Variants in ARL15 observed in about 807,000 individuals in gnomAD.
ARL15 encodes the protein ADP-ribosylation factor-like protein 15.
In ARL15, 19 loss-of-function variants were observed where a neutral mutation model predicts 25.2. The ratio of observed to expected loss-of-function variants is 0.75; its 90% CI spans 0.53 to 1.10. ARL15 has a LOEUF of 1.10. ARL15 is among the 50% of genes least tolerant of loss of function. The probability of loss-of-function intolerance (pLI) is 0.00; values close to 1 mark genes in which losing one functional copy is unlikely to be tolerated. For synonymous variants in ARL15, 94 were observed against 86.8 expected, an observed-to-expected ratio of 1.08 and a Z score of -0.46; for missense variants, 220 against 246.0, an observed-to-expected ratio of 0.89 and a Z score of 0.71.
chr5:54,251,464 C>A (rs1757234708), intron 1 of ARL15, among the ~76,000 whole-genome samples: 1 of 152,146 alleles, frequency 6.6e-6, no homozygotes, highest in Non-Finnish European at 1.5e-5. Context: ...TATGGTATTT[C>A]CACTGCAGCA....
intron 1 of ARL15, among the ~76,000 whole-genome samples, chr5:54,238,266 T>C (rs916116537): frequency 6.6e-6 from 1 of 152,192 alleles, no homozygotes; most frequent in African/African-American, 2.4e-5. Context: ...GGTTGACCCT[T>C]TGTGCCCTGG....
chr5:53,931,021 TTCA>T (rs1382574695), intron 4 of ARL15, among the ~76,000 whole-genome samples: 2 of 152,178 alleles, frequency 1.3e-5, no homozygotes, highest in African/African-American at 4.8e-5. Flanking sequence ...AATTAATGCC[TTCA>T]TCAATCATAA....
At chr5:54,268,496 TC>T (rs1413000638) in intron 1 of ARL15, among the ~76,000 whole-genome samples, 4 of 152,246 alleles carry the variant, frequency 2.6e-5, no homozygotes, top group Non-Finnish European at 5.9e-5. Context: ...CCAGCTTTGT[TC>T]CATTGCTGGT....
At chr5:54,116,100 C>A (rs939158895) in intron 3 of ARL15, among the ~76,000 whole-genome samples, 1 of 152,152 alleles carries the variant, frequency 6.6e-6, no homozygotes, top group African/African-American at 2.4e-5. Context: ...GTTGTCTAGT[C>A]CAAAGGCAAG....
chr5:54,171,894 G>A lies in ARL15; in HGVS notation c.83C>T (p.Pro28Leu), dbSNP rs1754730104. The change falls in exon 2 of 5, where the codon CCT becomes CTT. Residue 28 changes from proline to leucine, a missense_variant. By Grantham distance (98) the Pro-to-Leu change is moderately conservative (BLOSUM62 -3). Transcript: ENST00000504924. ...AACCAGGTCATATTCTGGTCGTGCA[G>A]GTGGTGGTCCCTTGCAGCAAAGTGC... ...FRALCCKGPP[P>L]ARPEYDLVCI... The A allele has an allele frequency of 6.2e-7, 1 of 1,613,388 alleles. No homozygotes were observed. The highest frequency in any genetic ancestry group is 1.7e-5 in the Admixed American group (1 of 59,970).
At chr5:54,151,881 A>G (rs1292927441) in intron 3 of ARL15, among the ~76,000 whole-genome samples, 3 of 151,992 alleles carry the variant, frequency 2.0e-5, no homozygotes, top group Non-Finnish European at 2.9e-5. Flanking sequence ...GAAAGAGTGA[A>G]GAAGAGCCTT....
At chr5:54,043,366 A>C (rs34951049) in intron 4 of ARL15, among the ~76,000 whole-genome samples, 3,567 of 152,290 alleles carry the variant, frequency 0.023, 93 homozygotes, top group East Asian at 0.13. Flanking sequence ...TAAGGCTCTG[A>C]GTGAATGGTA....
At chr5:54,245,016 T>C (rs1016419816) in intron 1 of ARL15, among the ~76,000 whole-genome samples, 1 of 152,164 alleles carries the variant, frequency 6.6e-6, no homozygotes, top group African/African-American at 2.4e-5. Flanking sequence ...CCAGAATCAA[T>C]TCAGCGGGAG....
intron 4 of ARL15, among the ~76,000 whole-genome samples, chr5:54,079,376 T>TAACAAGC (rs1561215659): frequency 6.6e-6 from 1 of 152,120 alleles, no homozygotes; most frequent in South Asian, 2.1e-4. Flanking sequence ...CAGAAACAAG[T>TAACAAGC]AACAAGCAAA....
At chr5:54,129,336 G>A (rs766929421) in intron 3 of ARL15, among the ~76,000 whole-genome samples, 10 of 151,834 alleles carry the variant, frequency 6.6e-5, no homozygotes, top group Non-Finnish European at 1.0e-4. Context: ...CAGAAACCTG[G>A]CATAGAAAAA....
chr5:54,032,163 G>C (rs1417046931), intron 4 of ARL15, among the ~76,000 whole-genome samples: 1 of 152,056 alleles, frequency 6.6e-6, no homozygotes, highest in Admixed American at 6.6e-5. Flanking sequence ...AAATTTAGAA[G>C]ACTCTTCTGG....
chr5:54,032,319 C>T (rs1204651697), intron 4 of ARL15, among the ~76,000 whole-genome samples: 3 of 151,848 alleles, frequency 2.0e-5, no homozygotes, highest in African/African-American at 4.8e-5. Context: ...TTGCAACCTC[C>T]GCCTCCTGGG....
At chr5:54,111,548 A>G (rs892208394) in intron 4 of ARL15, among the ~76,000 whole-genome samples, 4 of 152,124 alleles carry the variant, frequency 2.6e-5, no homozygotes, top group African/African-American at 9.6e-5. Context: ...TATGATGTCT[A>G]AGGAAAACAG....
intron 2 of ARL15, among the ~76,000 whole-genome samples, chr5:54,160,514 T>C (rs1267721150): frequency 3.3e-5 from 5 of 152,186 alleles, no homozygotes; most frequent in Non-Finnish European, 7.4e-5. Context: ...AACATTTATG[T>C]AATCTACAGT....
chr5:54,033,165 T>C (rs1750046060), intron 4 of ARL15, among the ~76,000 whole-genome samples: 1 of 149,548 alleles, frequency 6.7e-6, no homozygotes, highest in Non-Finnish European at 1.5e-5. Context: ...TACAAAAAAT[T>C]CGCTGGGCGT....
intron 1 of ARL15, among the ~76,000 whole-genome samples, chr5:54,191,075 G>T (rs1755384631): frequency 6.6e-6 from 1 of 152,116 alleles, no homozygotes; most frequent in Non-Finnish European, 1.5e-5. Context: ...ATCAACAAAT[G>T]AATGGATAAG....
chr5:54,218,175 A>G (rs1329175112), intron 1 of ARL15, among the ~76,000 whole-genome samples: 2 of 152,188 alleles, frequency 1.3e-5, no homozygotes, highest in African/African-American at 4.8e-5. Context: ...AACCAGAAAG[A>G]AGTAACATTC....
At chr5:53,906,636 A>C (rs778098058) in intron 4 of ARL15, among the ~76,000 whole-genome samples, 14 of 152,200 alleles carry the variant, frequency 9.2e-5, no homozygotes, top group Non-Finnish European at 1.9e-4. Flanking sequence ...CTCATGGAGG[A>C]ATTGAAAAGA....
Position 54,292,533 on chromosome 5 carries a change from C to A in ARL15, c.48+17899G>T, listed in dbSNP as rs149780563. On this transcript the variant is annotated intron_variant, in intron 1 of 4. Coordinates refer to ENST00000504924, the MANE Select transcript of ARL15 (RefSeq NM_019087.3). The stretch of plus-strand genomic sequence containing the variant: ...CAGGTGAGCTATAGACCCTCGTAAG[C>A]CCACTCCTTTCAGATGAACAGTTTG... Among the ~76,000 whole-genome samples, 413 of 152,238 alleles carry A rather than the reference C, an allele frequency of 2.7e-3. 2 individuals are homozygous for A. Among genetic ancestry groups the A allele is most frequent in the Middle Eastern group, 6.8e-3 (2 of 294 alleles).
Sources: gnomAD v4.1 joint callset for allele counts (sites outside exome capture counted in the v4.1 genomes callset) on GRCh38, gnomAD v4.1.1 for gene constraint, MANE v1.5 for transcripts, NCBI Gene and HGNC (gene_info 2026-07-23, HGNC 2026-07-21) for gene names.